The following GABRG3 variants were observed in gnomAD, a reference collection of about 807,000 sequenced individuals.
GABRG3 encodes gamma-aminobutyric acid receptor subunit gamma-3.
GABRG3 carries 25 observed loss-of-function variants against 48.8 expected under a neutral mutation model. That is an observed-to-expected ratio of 0.51 (90% CI 0.37 to 0.72). The LOEUF is 0.72. Among genes scored for constraint, GABRG3 ranks in the 30% least tolerant of loss-of-function variants. The pLI is 0.00. For missense variants in GABRG3, 394 were observed against 577.9 expected, an observed-to-expected ratio of 0.68 and a Z score of 3.26; for synonymous variants, 227 against 217.6, an observed-to-expected ratio of 1.04 and a Z score of -0.38.
At chr15:27,285,706 A>G (rs1338783733) in intron 3 of GABRG3, among the ~76,000 whole-genome samples, 3 of 152,132 alleles carry the variant, frequency 2.0e-5, no homozygotes, top group Non-Finnish European at 4.4e-5. Flanking sequence ...AGCTTTTTTC[A>G]TGGTCCTGTT....
chr15:27,242,364 G>A (rs916038534), intron 3 of GABRG3, among the ~76,000 whole-genome samples: 4 of 152,130 alleles, frequency 2.6e-5, no homozygotes, highest in African/African-American at 9.7e-5. Context: ...GTTGCTCTGG[G>A]CACAGAATAG....
intron 3 of GABRG3, among the ~76,000 whole-genome samples, chr15:27,040,058 C>T (rs578187714): frequency 1.3e-5 from 2 of 152,360 alleles, no homozygotes; most frequent in Admixed American, 1.3e-4. Context: ...GGCCGCTGCC[C>T]TTCAGCCCAC....
intron 6 of GABRG3, among the ~76,000 whole-genome samples, chr15:27,509,673 T>C (rs1245952526): frequency 2.0e-5 from 3 of 152,206 alleles, no homozygotes; most frequent in Non-Finnish European, 4.4e-5. Flanking sequence ...ATTTTTGATT[T>C]CTTGTACTTC....
chr15:27,475,337 T>G (rs1889905311), intron 5 of GABRG3, among the ~76,000 whole-genome samples: 1 of 152,224 alleles, frequency 6.6e-6, no homozygotes, highest in African/African-American at 2.4e-5. Context: ...GTAATGTCTA[T>G]GTCATTAGAA....
At chr15:27,186,846 T>C (rs964927153) in intron 3 of GABRG3, among the ~76,000 whole-genome samples, 22 of 152,160 alleles carry the variant, frequency 1.4e-4, no homozygotes, top group African/African-American at 5.1e-4. Flanking sequence ...ATTTGTTTTT[T>C]GCTTGTTGAT....
At chr15:27,030,064 G>A (rs1173956749) in intron 3 of GABRG3, among the ~76,000 whole-genome samples, 1 of 152,138 alleles carries the variant, frequency 6.6e-6, no homozygotes, top group Non-Finnish European at 1.5e-5. Context: ...GGTGGGTATT[G>A]GGGATTGAGT....
intron 9 of GABRG3, among the ~76,000 whole-genome samples, chr15:27,531,452 C>G (rs1490123595): frequency 6.6e-6 from 1 of 152,166 alleles, no homozygotes; most frequent in Non-Finnish European, 1.5e-5. Context: ...GAGGTTGTTA[C>G]GATGCTTTCT....
intron 3 of GABRG3, among the ~76,000 whole-genome samples, chr15:27,311,570 A>T (rs1374635102): frequency 1.3e-5 from 2 of 152,008 alleles, no homozygotes; most frequent in East Asian, 3.9e-4. Context: ...ATAGCTAAAA[A>T]CCAAAACAAA....
chr15:27,302,238 C>T (rs1479086175), intron 3 of GABRG3, among the ~76,000 whole-genome samples: 2 of 151,900 alleles, frequency 1.3e-5, no homozygotes, highest in African/African-American at 2.4e-5. Flanking sequence ...ATGTATAAGA[C>T]AGCTATAGAA....
At chr15:27,489,035 C>A (rs149090714) in intron 6 of GABRG3, among the ~76,000 whole-genome samples, 208 of 151,958 alleles carry the variant, frequency 1.4e-3, no homozygotes, top group Admixed American at 2.9e-3. Flanking sequence ...CCCATCCCCC[C>A]ACCCCCCGAC....
intron 9 of GABRG3, among the ~76,000 whole-genome samples, chr15:27,528,344 T>G (rs1282143848): frequency 6.6e-6 from 1 of 152,232 alleles, no homozygotes; most frequent in Non-Finnish European, 1.5e-5. Flanking sequence ...TGTACTTATA[T>G]GTACTTAAGT....
chr15:27,440,490 T>C (rs1034106304), intron 5 of GABRG3, among the ~76,000 whole-genome samples: 1 of 152,372 alleles, frequency 6.6e-6, no homozygotes, highest in Non-Finnish European at 1.5e-5. Context: ...GGAATGTACC[T>C]GATGCCATCC....
rs947878815 is a variant in GABRG3 at position 27,179,346 on chromosome 15, G to A, written c.271-147463G>A. ...TGCACTTTATCATATGTGTCCGTGAGAATAGCACATTAGCCACATTCAAAA... is the reference window on the plus strand; with the variant it reads ...TGCACTTTATCATATGTGTCCGTGAAAATAGCACATTAGCCACATTCAAAA... On this transcript the variant is annotated intron_variant, in intron 3 of 9. Transcript: ENST00000615808. The surrounding 1 kb of genome is among the most constrained non-coding windows in gnomAD (Gnocchi z 4.0). Among the ~76,000 whole-genome samples the A allele has an allele frequency of 6.6e-6, 1 of 152,186 alleles. No individual in the cohort carries two copies. The highest frequency in any genetic ancestry group is 2.4e-5 in the African/African-American group (1 of 41,442).
rs191857505 is a variant in GABRG3, at chr15:27,240,229, C to T, written c.271-86580C>T. ...TTTAAAAAATGAACTAGACTCAGCT[C>T]ATTATCTTGCTATAGTGAAAGCAGC... is the stretch of plus-strand genomic sequence containing the variant. On this transcript the variant is annotated intron_variant, in intron 3 of 9. Transcript: ENST00000615808. 2.6e-3 allele frequency among the ~76,000 whole-genome samples: 390 copies of T among 152,208 alleles called. 5 individuals carry two copies. The highest frequency in any genetic ancestry group is 8.9e-3 in the African/African-American group (368 of 41,532).
intron 6 of GABRG3, among the ~76,000 whole-genome samples, chr15:27,491,954 A>G (rs1207327397): frequency 6.6e-6 from 1 of 152,188 alleles, no homozygotes; most frequent in Admixed American, 6.5e-5. Flanking sequence ...TTTTTTAGTC[A>G]TATCCCATAT....
At chr15:27,166,811 T>C (rs1180608593) in intron 3 of GABRG3, among the ~76,000 whole-genome samples, 1 of 152,228 alleles carries the variant, frequency 6.6e-6, no homozygotes. Context: ...GGTGCATGTC[T>C]CAATGCAAAG....
chr15:27,387,445 A>G (rs1462579663), intron 5 of GABRG3, among the ~76,000 whole-genome samples: 2 of 152,074 alleles, frequency 1.3e-5, no homozygotes, highest in Non-Finnish European at 2.9e-5. Context: ...ATTCAACACT[A>G]TTTTGGCCTG....
intron 3 of GABRG3, among the ~76,000 whole-genome samples, chr15:27,311,300 G>A (rs1892983946): frequency 6.6e-6 from 1 of 152,110 alleles, no homozygotes; most frequent in Non-Finnish European, 1.5e-5. Flanking sequence ...CATAATCCCT[G>A]CCCTTGGCAC....
In GABRG3 at chr15:27,538,923, G is replaced by A. The variant is rs981350544; in HGVS notation, c.*6042G>A. The A allele has an allele frequency of 5.3e-5, 8 of 152,144 alleles. No homozygotes were observed. The highest frequency in any genetic ancestry group is 1.9e-4 in the African/African-American group (8 of 41,432). The allele number at this position is 152,144 out of a possible 1,614,324, so 9.4% of individuals were successfully genotyped here. A position where few individuals can be genotyped will look rare whatever the true frequency, so the allele number is the denominator to read the frequency against. ...TTCTTAGGTATCTAAGGATACATGA[G>A]CGAGCCCACAGCACAATTATTGCAG... On this transcript the variant is annotated 3_prime_UTR_variant, in exon 10 of 10. Transcript: ENST00000615808.
Sources: allele counts gnomAD v4.1 joint callset (sites outside exome capture counted in the v4.1 genomes callset), GRCh38; gene constraint gnomAD v4.1.1; non-coding constraint Gnocchi (gnomAD v3.1); transcripts MANE v1.5; gene names NCBI Gene and HGNC (gene_info 2026-07-23, HGNC 2026-07-21).